The following NCKAP1 variants were observed in gnomAD, a reference collection of about 807,000 sequenced individuals.
NCKAP1 encodes NCK associated protein 1, also known as nck-associated protein 1.
Under a neutral mutation model 151.2 loss-of-function variants are expected in NCKAP1, and 21 were observed. The ratio of observed to expected loss-of-function variants is 0.14; its 90% CI spans 0.10 to 0.20. The LOEUF (loss-of-function observed/expected upper bound fraction) is 0.20. Among genes scored for constraint, NCKAP1 ranks in the 10% least tolerant of loss-of-function variants. The pLI is 1.00. For synonymous variants in NCKAP1, 484 were observed against 451.8 expected (o/e 1.07, Z -0.90); for missense variants, 933 against 1,352.1 (o/e 0.69, Z 4.86).
At chr2:183,002,784 T>C (rs1001051273) in intron 4 of NCKAP1, among the ~76,000 whole-genome samples, 190 bp downstream of exon 4, 19 of 152,032 alleles carry the variant, frequency 1.2e-4, no homozygotes, top group African/African-American at 4.1e-4. Flanking sequence ...ACAAGACTTA[T>C]ACTCAGTGAC....
chr2:182,981,465 G>C, intron 12 of NCKAP1, 89 bp from the exon 13 acceptor site: 1 of 1,051,818 alleles, frequency 9.5e-7, no homozygotes, highest in Non-Finnish European at 1.4e-6. Flanking sequence ...ATTTCTAAAA[G>C]TATTTTTCTT....
intron 1 of NCKAP1, among the ~76,000 whole-genome samples, chr2:183,026,543 C>T (rs1214826564): frequency 6.6e-6 from 1 of 151,712 alleles, no homozygotes; most frequent in Admixed American, 6.6e-5. Flanking sequence ...TCTGCTTTCC[C>T]TGGAATTGAT....
intron 15 of NCKAP1, 69 bp downstream of exon 15, chr2:182,976,824 T>C: frequency 1.1e-6 from 1 of 943,356 alleles, no homozygotes; most frequent in Non-Finnish European, 1.5e-6. Flanking sequence ...GAATATTTTA[T>C]AGTTGTTATA....
intron 23 of NCKAP1, among the ~76,000 whole-genome samples, chr2:182,948,642 C>T (rs991166984): frequency 2.6e-5 from 4 of 151,884 alleles, no homozygotes; most frequent in Non-Finnish European, 5.9e-5. Flanking sequence ...TGGACAATAC[C>T]TAACAAGATA....
chr2:182,993,786 T>TCTGTACA (rs1382776299), intron 8 of NCKAP1, among the ~76,000 whole-genome samples: 1 of 152,100 alleles, frequency 6.6e-6, no homozygotes, highest in Non-Finnish European at 1.5e-5. Flanking sequence ...GACAAAATAA[T>TCTGTACA]CTGTACACCA....
In NCKAP1 at chr2:182,920,107, A is replaced by G. The variant is rs1696526495; in HGVS notation, c.*5595T>C. Reference sequence around the variant, plus strand: ...CTCAGCTTCTCAAGTTGCTGGGACTACAGGTGTACACAATCACACCCGGCT... The same window carrying G: ...CTCAGCTTCTCAAGTTGCTGGGACTGCAGGTGTACACAATCACACCCGGCT... On this transcript the variant is annotated 3_prime_UTR_variant, in exon 31 of 31. Transcript: ENST00000361354. 1 of 152,234 alleles carries G rather than the reference A, an allele frequency of 6.6e-6. No individual in the cohort carries two copies. Among genetic ancestry groups the G allele is most frequent in the South Asian group, 2.1e-4 (1 of 4,832 alleles). The allele number at this position is 152,234 out of a possible 1,614,324, so 9.4% of individuals were successfully genotyped here. A position where few individuals can be genotyped will look rare whatever the true frequency, so the allele number is the denominator to read the frequency against.
intron 23 of NCKAP1, among the ~76,000 whole-genome samples, chr2:182,946,495 C>T (rs1224983671): frequency 6.6e-6 from 1 of 151,814 alleles, no homozygotes; most frequent in Non-Finnish European, 1.5e-5. Flanking sequence ...GGTACTTATG[C>T]TTACTACCTA....
At chr2:182,976,845 T>A in intron 15 of NCKAP1, 48 bp downstream of exon 15, 1 of 1,245,418 alleles carries the variant, frequency 8.0e-7, no homozygotes, top group African/African-American at 1.6e-5. Flanking sequence ...AAATTTTTCA[T>A]GTTAACTAAA....
chr2:182,960,153 T>C (rs1296305549), intron 18 of NCKAP1, among the ~76,000 whole-genome samples: 1 of 152,184 alleles, frequency 6.6e-6, no homozygotes, highest in Non-Finnish European at 1.5e-5. Flanking sequence ...ATGGCTACAC[T>C]GCCCAAGGTA....
intron 24 of NCKAP1, among the ~76,000 whole-genome samples, chr2:182,940,174 T>C (rs1696966358): frequency 1.3e-5 from 2 of 151,992 alleles, no homozygotes; most frequent in South Asian, 2.1e-4. Flanking sequence ...GGAAAGTAAA[T>C]AGGGTTAAGG....
Position 183,025,013 on chromosome 2 carries a change from T to C in NCKAP1, c.109-1097A>G, listed in dbSNP as rs990382182. On this transcript the variant is annotated intron_variant, in intron 1 of 30. Coordinates refer to ENST00000361354, the MANE Select transcript of NCKAP1 (RefSeq NM_013436.5). The stretch of plus-strand genomic sequence containing the variant: ...TGTCCTTGCTGGGGAAGCATTGTAA[T>C]AAAAAGAGAGAAAATTACGTGTAAA... 3.1e-6 allele frequency: 5 copies of C among 1,610,300 alleles called. No homozygotes were observed. The African/African-American group carries it at 5.4e-5, about 17-fold the overall frequency.
In NCKAP1 at chr2:182,986,243, A is replaced by G. The variant is rs1243349588; in HGVS notation, c.948-16T>C. On this transcript the variant is annotated splice_polypyrimidine_tract_variant and intron_variant, in intron 9 of 30. Coordinates refer to ENST00000361354, the MANE Select transcript of NCKAP1 (RefSeq NM_013436.5). ...TTTATTATAGCTAGGTGCAAAAACAAATTAGAACGTTAGTTTAATTTGATC... is the reference window on the plus strand; with the variant it reads ...TTTATTATAGCTAGGTGCAAAAACAGATTAGAACGTTAGTTTAATTTGATC... The G allele has an allele frequency of 6.3e-7, 1 of 1,598,416 alleles. No individual in the cohort carries two copies. The highest frequency in any genetic ancestry group is 1.3e-5 in the African/African-American group (1 of 74,546).
Position 182,942,445 on chromosome 2 carries a change from G to A in NCKAP1, c.2602-282C>T, listed in dbSNP as rs574717669. On this transcript the variant is annotated intron_variant, in intron 23 of 30. Transcript: ENST00000361354. ...AGAATCATCTTATGCTTACTTAGAC[G>A]CTGAACGGCATCAATAATAAAAAGT... Among the ~76,000 whole-genome samples the A allele has an allele frequency of 1.3e-3, 191 of 152,152 alleles. 1 individual carries two copies. Among genetic ancestry groups the A allele is most frequent in the African/African-American group, 4.4e-3 (181 of 41,536 alleles).
chr2:182,940,205 G>T (rs1696967071), intron 24 of NCKAP1, among the ~76,000 whole-genome samples: 1 of 151,764 alleles, frequency 6.6e-6, no homozygotes, highest in South Asian at 2.1e-4. Context: ...TGTCAAATGA[G>T]TATTAAAAAA....
In NCKAP1 at chr2:182,921,775, G is replaced by A. The variant is rs907476658; in HGVS notation, c.*3927C>T. 6.6e-5 allele frequency: 10 copies of A among 152,132 alleles called. No homozygotes were observed. The highest frequency in any genetic ancestry group is 1.3e-4 in the Non-Finnish European group (9 of 68,020). The allele number at this position is 152,132 out of a possible 1,614,324, so 9.4% of individuals were successfully genotyped here. A position where few individuals can be genotyped will look rare whatever the true frequency, so the allele number is the denominator to read the frequency against. Reference sequence around the variant, plus strand: ...TTTACTCTGGACAGTCAAGGACAGCGATGTGTAGGGAAAGTTTGGTTCATG... The same window carrying A: ...TTTACTCTGGACAGTCAAGGACAGCAATGTGTAGGGAAAGTTTGGTTCATG... On this transcript the variant is annotated 3_prime_UTR_variant, in exon 31 of 31. Coordinates refer to ENST00000361354, the MANE Select transcript of NCKAP1 (RefSeq NM_013436.5).
intron 2 of NCKAP1, among the ~76,000 whole-genome samples, chr2:183,018,352 C>A (rs1698734568): frequency 6.6e-6 from 1 of 152,210 alleles, no homozygotes; most frequent in South Asian, 2.1e-4. Flanking sequence ...TTCTGGTTTA[C>A]TGAATCCAGA....
In NCKAP1 at chr2:182,910,133, C is replaced by A. The variant is rs1309328663; in HGVS notation, c.*15569G>T. 1 of 152,256 alleles carries A rather than the reference C, an allele frequency of 6.6e-6. No individual in the cohort carries two copies. The highest frequency in any genetic ancestry group is 1.5e-5 in the Non-Finnish European group (1 of 68,072). The allele number at this position is 152,256 out of a possible 1,614,324, so 9.4% of individuals were successfully genotyped here. ...CTTTAACTGGTTCAGACTCTACTAT[C>A]TTGGAGGACTGCAGGTGCCCTGGTA... On this transcript the variant is annotated 3_prime_UTR_variant, in exon 31 of 31. Transcript: ENST00000361354.
At chr2:182,980,194 C>A (rs1381691282) in intron 13 of NCKAP1, among the ~76,000 whole-genome samples, 1 of 151,884 alleles carries the variant, frequency 6.6e-6, no homozygotes, top group Non-Finnish European at 1.5e-5. Context: ...GTTTTCTGTT[C>A]CCTTTTTAAA....
chr2:182,912,179 T>C lies in NCKAP1; in HGVS notation c.*13523A>G, dbSNP rs1696405588. ...ACCATCTTAAAATATCTTTGGATATTGGCAAAAATTTAGGGAGCTTTTTGA... is the reference window on the plus strand; with the variant it reads ...ACCATCTTAAAATATCTTTGGATATCGGCAAAAATTTAGGGAGCTTTTTGA... On this transcript the variant is annotated 3_prime_UTR_variant, in exon 31 of 31. Transcript: ENST00000361354. 2 of 152,212 alleles carry C rather than the reference T, an allele frequency of 1.3e-5. No individual in the cohort carries two copies. Among genetic ancestry groups the C allele is most frequent in the African/African-American group, 4.8e-5 (2 of 41,456 alleles). The allele number at this position is 152,212 out of a possible 1,614,324, so 9.4% of individuals were successfully genotyped here. A position where few individuals can be genotyped will look rare whatever the true frequency, so the allele number is the denominator to read the frequency against.
Sources: gnomAD v4.1 joint callset for allele counts (sites outside exome capture counted in the v4.1 genomes callset) on GRCh38, gnomAD v4.1.1 for gene constraint, MANE v1.5 for transcripts, NCBI Gene and HGNC (gene_info 2026-07-23, HGNC 2026-07-21) for gene names.